Variants in FGF12 observed in about 807,000 individuals in gnomAD.
FGF12 encodes the protein fibroblast growth factor 12.
A neutral mutation model predicts 23.6 loss-of-function variants in FGF12; 14 were observed. The ratio of observed to expected loss-of-function variants is 0.59; its 90% CI spans 0.39 to 0.93. FGF12 has a LOEUF of 0.93. Ranked by LOEUF, FGF12 falls within the 40% of genes least tolerant of loss-of-function variation. The pLI is 0.00. For synonymous variants in FGF12, 62 were observed against 77.3 expected (o/e 0.80, Z 1.04); for missense variants, 175 against 217.8 (o/e 0.80, Z 1.24).
chr3:192,332,477 T>C (rs1717174605), intron 4 of FGF12, among the ~76,000 whole-genome samples: 1 of 151,964 alleles, frequency 6.6e-6, no homozygotes, highest in African/African-American at 2.4e-5. Context: ...ACATCAATAA[T>C]CTCATCAAAT....
chr3:192,267,727 C>T (rs1171058692), intron 4 of FGF12, among the ~76,000 whole-genome samples: 2 of 152,130 alleles, frequency 1.3e-5, no homozygotes, highest in Non-Finnish European at 2.9e-5. Flanking sequence ...TATGCACATA[C>T]ATCAATTTGC....
At chr3:192,286,135 A>G (rs116399326) in intron 4 of FGF12, among the ~76,000 whole-genome samples, 1 of 152,160 alleles carries the variant, frequency 6.6e-6, no homozygotes, top group African/African-American at 2.4e-5. Context: ...TTTTGCTACA[A>G]TATGAACTTT....
chr3:192,541,025 T>TCTTTATGGAAAAGTGCAA (rs1491581238), intron 2 of FGF12, among the ~76,000 whole-genome samples: 1 of 152,200 alleles, frequency 6.6e-6, no homozygotes, highest in Non-Finnish European at 1.5e-5. Flanking sequence ...TTTATGTGTG[T>TCTTTATGGAAAAGTGCAA]CTTTATGGAA....
intron 4 of FGF12, among the ~76,000 whole-genome samples, chr3:192,227,293 G>A (rs1021792919): frequency 2.6e-5 from 4 of 152,086 alleles, no homozygotes. Context: ...AACCCAGGAA[G>A]CACAGTTCTT....
At chr3:192,398,848 T>A (rs559671579) in intron 2 of FGF12, among the ~76,000 whole-genome samples, 1 of 152,274 alleles carries the variant, frequency 6.6e-6, no homozygotes, top group South Asian at 2.1e-4. Flanking sequence ...GACCTCAGCA[T>A]CCTTAGGTGG....
intron 4 of FGF12, among the ~76,000 whole-genome samples, chr3:192,299,058 A>G (rs1202670270): frequency 1.3e-5 from 2 of 152,214 alleles, no homozygotes; most frequent in Non-Finnish European, 2.9e-5. Flanking sequence ...CCCGCCTCCA[A>G]CAGTGCAGAT....
At chr3:192,207,456 AT>A (rs1717713159) in intron 4 of FGF12, among the ~76,000 whole-genome samples, 1 of 152,180 alleles carries the variant, frequency 6.6e-6, no homozygotes, top group Non-Finnish European at 1.5e-5. Flanking sequence ...AGAAGGAGGG[AT>A]TCTTCAGGTA....
chr3:192,712,280 C>G (rs1364255306), intron 2 of FGF12, among the ~76,000 whole-genome samples: 4 of 148,682 alleles, frequency 2.7e-5, no homozygotes, highest in Non-Finnish European at 3.0e-5. Flanking sequence ...ACAACAATAA[C>G]AAAAAAAAGA....
intron 4 of FGF12, among the ~76,000 whole-genome samples, chr3:192,278,571 T>C (rs1326575537): frequency 6.6e-6 from 1 of 152,148 alleles, no homozygotes; most frequent in Non-Finnish European, 1.5e-5. Context: ...AGAATAGATG[T>C]GGGCCACATG....
At chr3:192,490,986 A>T (rs1247948100) in intron 2 of FGF12, among the ~76,000 whole-genome samples, 1 of 152,144 alleles carries the variant, frequency 6.6e-6, no homozygotes, top group Non-Finnish European at 1.5e-5. Context: ...GTGAAATTAC[A>T]CCACACTGTA....
chr3:192,607,759 T>G (rs2108636838), intron 2 of FGF12, among the ~76,000 whole-genome samples: 1 of 151,126 alleles, frequency 6.6e-6, no homozygotes, highest in Non-Finnish European at 1.5e-5. Context: ...ACATAAAAAG[T>G]TCGTTGGTGG....
intron 2 of FGF12, among the ~76,000 whole-genome samples, chr3:192,477,335 C>T (rs975081372): frequency 1.3e-5 from 2 of 152,122 alleles, no homozygotes; most frequent in Non-Finnish European, 2.9e-5. Flanking sequence ...ATAGGGGAGA[C>T]CCCCAGGAAG....
At chr3:192,600,499 G>A (rs954378582) in intron 2 of FGF12, among the ~76,000 whole-genome samples, 1 of 151,986 alleles carries the variant, frequency 6.6e-6, no homozygotes, top group Non-Finnish European at 1.5e-5. Flanking sequence ...AACCAACAAA[G>A]TGAAAAGGCA....
At chr3:192,262,953 A>G (rs192239161) in intron 4 of FGF12, among the ~76,000 whole-genome samples, 133 of 152,234 alleles carry the variant, frequency 8.7e-4, no homozygotes, top group Non-Finnish European at 1.6e-3. Context: ...AAAACGTAAG[A>G]AATCTCTCTA....
At chr3:192,232,320 A>G (rs966483678) in intron 4 of FGF12, among the ~76,000 whole-genome samples, 2 of 152,112 alleles carry the variant, frequency 1.3e-5, no homozygotes, top group African/African-American at 4.8e-5. Flanking sequence ...CTTGCTCTCT[A>G]GGAGCCACGT....
At chr3:192,374,998 T>C (rs1719413122) in intron 2 of FGF12, among the ~76,000 whole-genome samples, 1 of 152,174 alleles carries the variant, frequency 6.6e-6, no homozygotes, top group South Asian at 2.1e-4. Context: ...ATTTGGGAGG[T>C]AGCCTTCCTA....
At chr3:192,469,677 T>C (rs2108812753) in intron 2 of FGF12, among the ~76,000 whole-genome samples, 1 of 152,304 alleles carries the variant, frequency 6.6e-6, no homozygotes, top group East Asian at 1.9e-4. Flanking sequence ...CCAAGGTCTA[T>C]AAAGGAATGT....
intron 2 of FGF12, among the ~76,000 whole-genome samples, chr3:192,580,783 G>C (rs968928228): frequency 6.6e-6 from 1 of 151,968 alleles, no homozygotes; most frequent in African/African-American, 2.4e-5. Context: ...AATTTTAGTA[G>C]AGACAGGGTT....
chr3:192,675,412 TTATGA>T (rs1007947104), intron 2 of FGF12, among the ~76,000 whole-genome samples: 9 of 152,178 alleles, frequency 5.9e-5, no homozygotes, highest in East Asian at 1.9e-4. Context: ...ATTCATTATT[TTATGA>T]TATAAGAGGA....
Sources: gnomAD v4.1 joint callset for allele counts (sites outside exome capture counted in the v4.1 genomes callset) on GRCh38, gnomAD v4.1.1 for gene constraint, MANE v1.5 for transcripts, NCBI Gene and HGNC (gene_info 2026-07-23, HGNC 2026-07-21) for gene names.